The following TP53BP2 variants were observed in gnomAD, a reference collection of about 807,000 sequenced individuals.
TP53BP2 encodes tumor protein p53 binding protein 2.
In TP53BP2, 62 loss-of-function variants were observed where a neutral mutation model predicts 126.2. The observed-to-expected ratio is 0.49, with a 90% CI of 0.40 to 0.61. The LOEUF (loss-of-function observed/expected upper bound fraction) is 0.61, where lower values mean the gene tolerates loss of function less well. Among genes scored for constraint, TP53BP2 ranks in the 20% least tolerant of loss-of-function variants. TP53BP2 has a pLI of 0.00. For missense variants in TP53BP2, 1,215 were observed against 1,402.8 expected (o/e 0.87, Z 2.14); for synonymous variants, 485 against 502.9 (o/e 0.96, Z 0.48).
At chr1:223,835,869 T>C (rs1009503481) in intron 1 of TP53BP2, among the ~76,000 whole-genome samples, 3 of 152,092 alleles carry the variant, frequency 2.0e-5, no homozygotes, top group African/African-American at 7.2e-5. Context: ...AAATGAGAAC[T>C]TCCTGGTGAA....
At chr1:223,837,195 A>G (rs1259289814) in intron 1 of TP53BP2, among the ~76,000 whole-genome samples, 1 of 151,292 alleles carries the variant, frequency 6.6e-6, no homozygotes, top group East Asian at 1.9e-4. Flanking sequence ...AGGTTGAAGC[A>G]TCAGAAGCTT....
At chr1:223,816,296 G>A (rs1320625105) in intron 2 of TP53BP2, among the ~76,000 whole-genome samples, 3 of 152,176 alleles carry the variant, frequency 2.0e-5, no homozygotes, top group South Asian at 2.1e-4. Flanking sequence ...GCAAATACAC[G>A]AGTGGGTAGT....
chr1:223,820,443 C>A (rs549742978), intron 2 of TP53BP2, among the ~76,000 whole-genome samples: 1 of 152,232 alleles, frequency 6.6e-6, no homozygotes, highest in African/African-American at 2.4e-5. Context: ...CCTATGTAAA[C>A]AGAAAAGAAA....
In TP53BP2 at chr1:223,804,178, T is replaced by C; in HGVS notation, c.645A>G (p.Lys215=). Residue 215 remains lysine, a synonymous_variant, in exon 6 of 18, where the codon AAA becomes AAG. Transcript: ENST00000343537. ...HVEQKRLSNG[K]LVEEIEQMNN... Reference sequence around the variant, plus strand: ...AATCTATGAGGAACAACTCACCAAGTTTCCCATTGCTTAGTCTCTTCTGTT... The same window carrying C: ...AATCTATGAGGAACAACTCACCAAGCTTCCCATTGCTTAGTCTCTTCTGTT... 1 of 1,596,996 alleles carries C rather than the reference T, an allele frequency of 6.3e-7. No individual in the cohort carries two copies. The highest frequency in any genetic ancestry group is 1.2e-5 in the South Asian group (1 of 86,898).
intron 1 of TP53BP2, among the ~76,000 whole-genome samples, chr1:223,824,751 A>C (rs1316141911): frequency 6.6e-6 from 1 of 152,094 alleles, no homozygotes; most frequent in Non-Finnish European, 1.5e-5. Context: ...ACATTTTTAC[A>C]GCAGCCTACA....
rs1158789276 is a variant in TP53BP2 at position 223,784,098 on chromosome 1, G to A, written c.3363+17C>T. 1 of 1,612,158 alleles carries A rather than the reference G, an allele frequency of 6.2e-7. No homozygotes were observed. Among genetic ancestry groups the A allele is most frequent in the African/African-American group, 1.3e-5 (1 of 74,868 alleles). On this transcript the variant is annotated intron_variant, in intron 17 of 17. Transcript: ENST00000343537. ...TCTGGCACATATGAAAACACCGTAAGCGTCAGAATAACTTACTCCCAGCAA... is the reference window on the plus strand; with the variant it reads ...TCTGGCACATATGAAAACACCGTAAACGTCAGAATAACTTACTCCCAGCAA...
chr1:223,821,824 G>T (rs992493438), intron 1 of TP53BP2, among the ~76,000 whole-genome samples: 2 of 152,070 alleles, frequency 1.3e-5, no homozygotes, highest in African/African-American at 4.8e-5. Flanking sequence ...AGGGAACAGA[G>T]CTTGTGGGGC....
rs992921565 is a variant in TP53BP2, at chr1:223,796,982, C to G, written c.1949-392G>C. 3.3e-5 allele frequency among the ~76,000 whole-genome samples: 5 copies of G among 152,162 alleles called. No homozygotes were observed. The highest frequency in any genetic ancestry group is 5.9e-5 in the Non-Finnish European group (4 of 68,004). ...ATGTACTATCCCATCTTTCACTTTT[C>G]AAAAGTGAATCAACGTGAGAACTTC... On this transcript the variant is annotated intron_variant, in intron 12 of 17. Coordinates refer to ENST00000343537, the MANE Select transcript of TP53BP2 (RefSeq NM_001031685.3). This position sits in a 1 kb window ranked among gnomAD's most constrained non-coding sequence, Gnocchi z 4.2.
At chr1:223,842,799 G>A (rs1018953502) in intron 1 of TP53BP2, among the ~76,000 whole-genome samples, 2 of 152,150 alleles carry the variant, frequency 1.3e-5, no homozygotes, top group African/African-American at 4.8e-5. Context: ...CCCTTTACAT[G>A]AAAATCAAAT....
chr1:223,825,151 T>TA (rs1458993612), intron 1 of TP53BP2, among the ~76,000 whole-genome samples: 1 of 152,166 alleles, frequency 6.6e-6, no homozygotes, highest in Admixed American at 6.5e-5. Flanking sequence ...CTGCCTTTCC[T>TA]ACTAGAAAGT....
chr1:223,786,573 CGT>C (rs915377016), intron 16 of TP53BP2, among the ~76,000 whole-genome samples: 9 of 127,332 alleles, frequency 7.1e-5, no homozygotes, highest in East Asian at 2.2e-4. Context: ...TGTGTGTGTG[CGT>C]GTGTGCGTGT....
At chr1:223,806,324 G>C (rs781578894) in intron 5 of TP53BP2, among the ~76,000 whole-genome samples, 1 of 152,128 alleles carries the variant, frequency 6.6e-6, no homozygotes, top group Non-Finnish European at 1.5e-5. Context: ...GAGTCAGAAA[G>C]ATCTTGAACA....
At chr1:223,813,469 T>C (rs961345385) in intron 3 of TP53BP2, among the ~76,000 whole-genome samples, 1 of 152,102 alleles carries the variant, frequency 6.6e-6, no homozygotes, top group Non-Finnish European at 1.5e-5. Context: ...CTTAACTCTG[T>C]CTACTCTTTC....
intron 16 of TP53BP2, among the ~76,000 whole-genome samples, chr1:223,787,460 A>T (rs934200382): frequency 6.6e-6 from 1 of 152,084 alleles, no homozygotes; most frequent in Non-Finnish European, 1.5e-5. Context: ...TAAAACATAA[A>T]CAAAGGCTGG....
intron 12 of TP53BP2, among the ~76,000 whole-genome samples, chr1:223,797,963 G>A (rs1029966596): frequency 6.6e-6 from 1 of 151,878 alleles, no homozygotes; most frequent in African/African-American, 2.4e-5. Flanking sequence ...ATTATATTTG[G>A]TTCTCCCTCA....
intron 15 of TP53BP2, among the ~76,000 whole-genome samples, chr1:223,789,822 T>C (rs1662088113): frequency 6.6e-6 from 1 of 152,168 alleles, no homozygotes; most frequent in South Asian, 2.1e-4. Flanking sequence ...AAATGTTTTA[T>C]AATAGATTAT....
At chr1:223,814,406 A>T in intron 2 of TP53BP2, 53 bp from the exon 3 acceptor site, 1 of 1,254,330 alleles carries the variant, frequency 8.0e-7, no homozygotes, top group South Asian at 1.2e-5. Context: ...AAAGATAAAT[A>T]TATCATTCAC....
chr1:223,830,144 A>C (rs992533695), intron 1 of TP53BP2, among the ~76,000 whole-genome samples: 6 of 152,228 alleles, frequency 3.9e-5, no homozygotes, highest in African/African-American at 1.4e-4. Flanking sequence ...CCCTATCTGA[A>C]ACGCTTGGGA....
chr1:223,786,990 G>C (rs1661991272), intron 16 of TP53BP2, among the ~76,000 whole-genome samples: 1 of 151,780 alleles, frequency 6.6e-6, no homozygotes, highest in Non-Finnish European at 1.5e-5. Context: ...TCCGCCTCCG[G>C]GTTCAAACAG....
Sources: allele counts gnomAD v4.1 joint callset (sites outside exome capture counted in the v4.1 genomes callset), GRCh38; gene constraint gnomAD v4.1.1; non-coding constraint Gnocchi (gnomAD v3.1); transcripts MANE v1.5; gene names NCBI Gene and HGNC (gene_info 2026-07-23, HGNC 2026-07-21).